Variants in DCHS2 observed in about 807,000 individuals in gnomAD.
DCHS2 encodes the protein dachsous cadherin-related 2, also known as protocadherin-23.
A neutral mutation model predicts 182.4 loss-of-function variants in DCHS2; 142 were observed. The observed-to-expected ratio is 0.78, with a 90% CI of 0.68 to 0.89. DCHS2 has a LOEUF of 0.89. DCHS2 is among the 40% of genes least tolerant of loss of function. The pLI is 0.00. For missense variants in DCHS2, 4,319 were observed against 4,198.6 expected (o/e 1.03, Z -0.79); for synonymous variants, 1,740 against 1,663.3 (o/e 1.05, Z -1.12).
At chr4:154,447,304 G>A (rs1236537811) in intron 1 of DCHS2, among the ~76,000 whole-genome samples, 8 of 151,748 alleles carry the variant, frequency 5.3e-5, no homozygotes, top group Admixed American at 5.3e-4. Flanking sequence ...ATAAATAAAT[G>A]AATAAAAACT....
intron 1 of DCHS2, among the ~76,000 whole-genome samples, chr4:154,391,569 C>G (rs1731706508): frequency 1.3e-5 from 2 of 152,112 alleles, no homozygotes; most frequent in South Asian, 4.1e-4. Context: ...CAAATGGCAA[C>G]AAAAGTCCAG....
chr4:154,328,275 A>C, intron 6 of DCHS2, 83 bp from the exon 7 acceptor site: 1 of 927,954 alleles, frequency 1.1e-6, no homozygotes, highest in Non-Finnish European at 1.7e-6. Flanking sequence ...GAATGAATAC[A>C]TTATACTAAA....
chr4:154,400,482 T>G (rs975419186), intron 1 of DCHS2, among the ~76,000 whole-genome samples: 2 of 152,072 alleles, frequency 1.3e-5, no homozygotes, highest in African/African-American at 4.8e-5. Flanking sequence ...GGTTGAGTTA[T>G]TTGATGATTA....
chr4:154,277,519 G>A (rs944569872), intron 13 of DCHS2, among the ~76,000 whole-genome samples: 2 of 151,828 alleles, frequency 1.3e-5, no homozygotes, highest in Middle Eastern at 3.2e-3. Flanking sequence ...AAAACCTTTA[G>A]GAGGCCCCCA....
intron 15 of DCHS2, among the ~76,000 whole-genome samples, chr4:154,256,234 C>A (rs968773677): frequency 4.6e-5 from 7 of 152,132 alleles, no homozygotes; most frequent in Admixed American, 4.6e-4. Flanking sequence ...GCAGCCTCAG[C>A]CTGCTGGGCT....
At chr4:154,404,941 A>G (rs7697511) in intron 1 of DCHS2, among the ~76,000 whole-genome samples, 107,427 of 151,954 alleles carry the variant, frequency 0.71, 39,771 homozygotes, top group Admixed American at 0.81. Context: ...CCCAGAGTCC[A>G]CCCACTTTAA....
At chr4:154,349,092 C>G (rs1224081376) in intron 3 of DCHS2, among the ~76,000 whole-genome samples, 1 of 151,908 alleles carries the variant, frequency 6.6e-6, no homozygotes, top group Non-Finnish European at 1.5e-5. Context: ...AAAATGACAA[C>G]AAATTTAGTT....
chr4:154,243,983 A>AACTT (rs1412557900), intron 16 of DCHS2, among the ~76,000 whole-genome samples: 1 of 152,116 alleles, frequency 6.6e-6, no homozygotes, highest in Admixed American at 6.6e-5. Context: ...TGTTCACATA[A>AACTT]ACTTTTTTGT....
intron 13 of DCHS2, among the ~76,000 whole-genome samples, chr4:154,270,665 A>C (rs542056306): frequency 8.6e-5 from 13 of 151,840 alleles, no homozygotes; most frequent in Non-Finnish European, 1.8e-4. Context: ...AGAGAGGGGT[A>C]AGAATGGAGC....
Position 154,356,272 on chromosome 4 carries a change from G to C in DCHS2, c.2476+9938C>G, listed in dbSNP as rs146367141. The stretch of plus-strand genomic sequence containing the variant: ...AAAGCTTATACAATAAGGATACAAA[G>C]AAAGAAAATATGGTTGTACAACTAT... On this transcript the variant is annotated intron_variant, in intron 3 of 19. Coordinates refer to ENST00000357232, the MANE Select transcript of DCHS2 (RefSeq NM_001358235.2). Among the ~76,000 whole-genome samples the C allele has an allele frequency of 2.0e-5, 3 of 151,918 alleles. No homozygotes were observed. In the South Asian group the frequency reaches 6.3e-4, roughly 32 times the overall value.
At position 154,236,057 on chromosome 4, in the gene DCHS2, C is replaced by A. The variant is rs1731473771; in HGVS notation, c.8595G>T (p.Val2865=). ...CTATCCCTTCAATATCCACCCAGAC[C>A]ACTAAGGAGGCAGTTGCATCACCTT... The part of the protein sequence containing the change: ...KDKGDATASL[V]VWVDIEGIDE... Residue 2865 remains valine, a synonymous_variant, in exon 20 of 20, where the codon GTG becomes GTT. Coordinates refer to ENST00000357232, the MANE Select transcript of DCHS2 (RefSeq NM_001358235.2). The A allele has an allele frequency of 3.1e-6, 5 of 1,613,736 alleles. No individual in the cohort carries two copies. Among genetic ancestry groups the A allele is most frequent in the Non-Finnish European group, 4.2e-6 (5 of 1,179,910 alleles).
intron 2 of DCHS2, among the ~76,000 whole-genome samples, chr4:154,373,707 A>G (rs961630310): frequency 7.2e-5 from 11 of 152,258 alleles, no homozygotes; most frequent in African/African-American, 2.6e-4. Flanking sequence ...CCTGCTTCCA[A>G]GAGGGTTCCC....
intron 1 of DCHS2, among the ~76,000 whole-genome samples, chr4:154,395,646 T>C (rs1469047731): frequency 6.6e-6 from 1 of 152,220 alleles, no homozygotes; most frequent in East Asian, 1.9e-4. Context: ...TGAGAATTTA[T>C]CAACTTTAAA....
At chr4:154,389,719 A>C (rs1306583963) in intron 1 of DCHS2, among the ~76,000 whole-genome samples, 1 of 151,862 alleles carries the variant, frequency 6.6e-6, no homozygotes, top group Non-Finnish European at 1.5e-5. Context: ...TTTTAACTTT[A>C]AATCTAATCA....
intron 16 of DCHS2, among the ~76,000 whole-genome samples, chr4:154,252,536 A>G (rs1239584734): frequency 2.0e-5 from 3 of 151,742 alleles, no homozygotes; most frequent in Non-Finnish European, 4.4e-5. Context: ...TATCTGCTTG[A>G]GTTCATTTGT....
intron 1 of DCHS2, among the ~76,000 whole-genome samples, chr4:154,395,613 T>C (rs543290426): frequency 3.3e-5 from 5 of 152,290 alleles, no homozygotes; most frequent in African/African-American, 1.2e-4. Flanking sequence ...TTCAGCACAT[T>C]GACCAAATTC....
intron 3 of DCHS2, among the ~76,000 whole-genome samples, chr4:154,345,365 T>C (rs984195458): frequency 3.9e-5 from 6 of 152,272 alleles, no homozygotes; most frequent in Admixed American, 1.3e-4. Flanking sequence ...TTACTGTTTC[T>C]GTTTTCCTGA....
intron 1 of DCHS2, among the ~76,000 whole-genome samples, chr4:154,416,563 C>T (rs1732840472): frequency 1.3e-5 from 2 of 152,188 alleles, no homozygotes; most frequent in South Asian, 4.1e-4. Flanking sequence ...TTGTCCTAGG[C>T]TCTAGCCGGA....
At chr4:154,432,266 T>C (rs1733590229) in intron 1 of DCHS2, among the ~76,000 whole-genome samples, 2 of 152,230 alleles carry the variant, frequency 1.3e-5, no homozygotes, top group African/African-American at 2.4e-5. Flanking sequence ...TATCTTTATA[T>C]TCCTAGAGTC....
Sources: gnomAD v4.1 joint callset for allele counts (sites outside exome capture counted in the v4.1 genomes callset) on GRCh38, gnomAD v4.1.1 for gene constraint, MANE v1.5 for transcripts, NCBI Gene and HGNC (gene_info 2026-07-23, HGNC 2026-07-21) for gene names.